Variants in L3MBTL4 observed in about 807,000 individuals in gnomAD.
The protein encoded by L3MBTL4 is L3MBTL histone methyl-lysine binding protein 4, also known as lethal(3)malignant brain tumor-like protein 4.
L3MBTL4 carries 70 observed loss-of-function variants against 84.5 expected under a neutral mutation model. The ratio of observed to expected loss-of-function variants is 0.83; its 90% CI spans 0.68 to 1.01. The LOEUF is 1.01. L3MBTL4 is among the 50% of genes least tolerant of loss of function. The probability of loss-of-function intolerance (pLI) is 0.00; values close to 1 mark genes in which losing one functional copy is unlikely to be tolerated. For synonymous variants in L3MBTL4, 274 were observed against 259.8 expected (o/e 1.05, Z -0.52); for missense variants, 715 against 754.8 (o/e 0.95, Z 0.62).
At chr18:6,023,786 T>A (rs1465512747) in intron 16 of L3MBTL4, among the ~76,000 whole-genome samples, 3 of 152,180 alleles carry the variant, frequency 2.0e-5, no homozygotes, top group African/African-American at 7.2e-5. Flanking sequence ...AGTACAATTA[T>A]CCTGTATGTT....
chr18:6,163,405 T>C (rs1374271912), intron 13 of L3MBTL4, among the ~76,000 whole-genome samples: 2 of 151,498 alleles, frequency 1.3e-5, no homozygotes, highest in Admixed American at 1.3e-4. Flanking sequence ...TCAAAATCAA[T>C]AAAACATAAA....
At chr18:6,197,102 TTTTTAAAAAC>T (rs1208312287) in intron 12 of L3MBTL4, among the ~76,000 whole-genome samples, 1 of 152,238 alleles carries the variant, frequency 6.6e-6, no homozygotes, top group African/African-American at 2.4e-5. Context: ...AACTATTCTT[TTTTTAAAAAC>T]TTTTATTTTA....
intron 14 of L3MBTL4, among the ~76,000 whole-genome samples, chr18:6,122,083 G>C (rs8086072): frequency 1.3e-5 from 2 of 152,186 alleles, no homozygotes; most frequent in African/African-American, 4.8e-5. Flanking sequence ...TCTGTCCAAG[G>C]CTCGCTTTTT....
chr18:6,046,526 T>C (rs773521451), intron 16 of L3MBTL4, among the ~76,000 whole-genome samples: 1 of 151,974 alleles, frequency 6.6e-6, no homozygotes, highest in Admixed American at 6.6e-5. Flanking sequence ...TCTCAATAAA[T>C]TAAAAAAAAT....
intron 5 of L3MBTL4, among the ~76,000 whole-genome samples, chr18:6,251,591 T>C (rs548753583): frequency 1.3e-5 from 2 of 152,374 alleles, no homozygotes; most frequent in African/African-American, 4.8e-5. Flanking sequence ...CTGGCTTTCC[T>C]GTTTGAGTGA....
intron 15 of L3MBTL4, among the ~76,000 whole-genome samples, chr18:6,083,778 T>C (rs956156106): frequency 1.3e-5 from 2 of 152,218 alleles, no homozygotes; most frequent in Admixed American, 6.5e-5. Context: ...AAGAGACCTG[T>C]GTATCTGTTT....
intron 16 of L3MBTL4, among the ~76,000 whole-genome samples, chr18:6,062,652 G>A (rs897635139): frequency 2.0e-5 from 3 of 151,668 alleles, no homozygotes; most frequent in South Asian, 2.1e-4. Flanking sequence ...CACAGTTCAC[G>A]GATATTCTGT....
At chr18:6,182,146 A>G (rs949236886) in intron 12 of L3MBTL4, among the ~76,000 whole-genome samples, 1 of 152,180 alleles carries the variant, frequency 6.6e-6, no homozygotes, top group Non-Finnish European at 1.5e-5. Flanking sequence ...TTTCTCCACA[A>G]TCTTGCCAGT....
In L3MBTL4 at chr18:6,264,345, C is replaced by T. The variant is rs939525685; in HGVS notation, c.128-307G>A. On this transcript the variant is annotated intron_variant, in intron 4 of 18. Coordinates refer to ENST00000317931, the MANE Select transcript of L3MBTL4 (RefSeq NM_001330559.2). ...CTCTAAGAGGGTGAACAGGCACAGG[C>T]TTTCTGGAAAGTGATTTAGCTAATT... 3.3e-5 allele frequency among the ~76,000 whole-genome samples: 5 copies of T among 152,168 alleles called. No homozygotes were observed. The South Asian group carries it at 1.0e-3, about 31-fold the overall frequency.
chr18:6,317,186 C>A (rs778103900), intron 1 of L3MBTL4, among the ~76,000 whole-genome samples: 2 of 151,948 alleles, frequency 1.3e-5, no homozygotes, highest in Non-Finnish European at 2.9e-5. Flanking sequence ...GGAACCCATA[C>A]AAATTACTCA....
chr18:6,165,609 A>G (rs2043608364), intron 13 of L3MBTL4, among the ~76,000 whole-genome samples: 1 of 152,182 alleles, frequency 6.6e-6, no homozygotes, highest in African/African-American at 2.4e-5. Flanking sequence ...GAAATAAAAT[A>G]CTTTACAGAC....
chr18:6,024,211 T>C (rs1212519629), intron 16 of L3MBTL4, among the ~76,000 whole-genome samples: 1 of 152,202 alleles, frequency 6.6e-6, no homozygotes, highest in Non-Finnish European at 1.5e-5. Flanking sequence ...TTTGCAATGT[T>C]CACAACTACC....
At chr18:6,026,447 A>C (rs1306598586) in intron 16 of L3MBTL4, among the ~76,000 whole-genome samples, 1 of 152,218 alleles carries the variant, frequency 6.6e-6, no homozygotes, top group Non-Finnish European at 1.5e-5. Flanking sequence ...GTTAATCTTT[A>C]CCAACTTCCT....
chr18:6,005,529 C>T (rs767576358), intron 16 of L3MBTL4, among the ~76,000 whole-genome samples: 61 of 152,122 alleles, frequency 4.0e-4, no homozygotes, highest in Non-Finnish European at 7.1e-4. Flanking sequence ...CTGTGGTTCT[C>T]TTCCTTGTGT....
chr18:6,072,312 A>C (rs1338037959), intron 16 of L3MBTL4, among the ~76,000 whole-genome samples: 2 of 152,168 alleles, frequency 1.3e-5, no homozygotes, highest in African/African-American at 4.8e-5. Context: ...CTCAGAGTAT[A>C]CTCTCTGACC....
At chr18:5,971,555 A>G (rs485405) in intron 16 of L3MBTL4, among the ~76,000 whole-genome samples, 3,094 of 152,340 alleles carry the variant, frequency 0.02, 90 homozygotes, top group African/African-American at 0.066. Context: ...ATATTGGAAG[A>G]ACAAATATGT....
chr18:6,146,663 T>C (rs1403370243), intron 13 of L3MBTL4, among the ~76,000 whole-genome samples: 2 of 152,194 alleles, frequency 1.3e-5, no homozygotes, highest in Admixed American at 1.3e-4. Flanking sequence ...AGTTTTTATA[T>C]AAAAGGTTGT....
chr18:6,191,682 T>G (rs2045100248), intron 12 of L3MBTL4, among the ~76,000 whole-genome samples: 1 of 152,156 alleles, frequency 6.6e-6, no homozygotes, highest in South Asian at 2.1e-4. Flanking sequence ...CGAGCCCCAG[T>G]GCACACTGAT....
Position 6,244,544 on chromosome 18 carries a change from C to T in L3MBTL4, c.264G>A (p.Met88Ile). The change falls in exon 6 of 19, where the codon ATG (methionine) becomes ATA (isoleucine). Residue 88 changes from methionine (M) to isoleucine (I), a missense_variant. Met to Ile is a conservative substitution (Grantham distance 10, BLOSUM62 1). Coordinates refer to ENST00000317931, the MANE Select transcript of L3MBTL4 (RefSeq NM_001330559.2). Reference protein sequence around the residue: ...PEHENGFQIGMRLEGIDPRHP... With the variant: ...PEHENGFQIGIRLEGIDPRHP... ...GTCGGGGATCAATGCCTTCTAATCT[C>T]ATTCCAATCTGAAAACCATTTTCAT... The T allele has an allele frequency of 6.2e-7, 1 of 1,614,012 alleles. No homozygotes were observed.
Sources: allele counts gnomAD v4.1 joint callset (sites outside exome capture counted in the v4.1 genomes callset), GRCh38; gene constraint gnomAD v4.1.1; transcripts MANE v1.5; gene names NCBI Gene and HGNC (gene_info 2026-07-23, HGNC 2026-07-21).